CEP128: variants seen among roughly 807,000 people sequenced by gnomAD.
CEP128 encodes the protein centrosomal protein 128kDa.
Under a neutral mutation model 156.7 loss-of-function variants are expected in CEP128, and 132 were observed. The observed-to-expected ratio is 0.84, with a 90% CI of 0.73 to 0.97. The LOEUF is 0.97. Ranked by LOEUF, CEP128 falls within the 50% of genes least tolerant of loss-of-function variation. The probability of loss-of-function intolerance (pLI) is 0.00; values close to 1 mark genes in which losing one functional copy is unlikely to be tolerated. For synonymous variants in CEP128, 469 were observed against 448.9 expected (o/e 1.04, Z -0.57); for missense variants, 1,252 against 1,281.9 (o/e 0.98, Z 0.36).
chr14:80,830,865 A>G, intron 13 of CEP128: 1 of 325,088 alleles, frequency 3.1e-6, no homozygotes, highest in South Asian at 4.2e-5. Flanking sequence ...TTGCTATTAG[A>G]ACAAAAATAT....
At chr14:80,738,092 C>T (rs536802233) in intron 19 of CEP128, among the ~76,000 whole-genome samples, 37 of 152,184 alleles carry the variant, frequency 2.4e-4, no homozygotes, top group African/African-American at 8.9e-4. Context: ...TAAATTATTT[C>T]TTCAGTAAGA....
At chr14:80,771,820 C>T (rs1900525014) in intron 16 of CEP128, among the ~76,000 whole-genome samples, 2 of 152,150 alleles carry the variant, frequency 1.3e-5, no homozygotes, top group African/African-American at 2.4e-5. Context: ...TAACACTGGC[C>T]AGAAATGGTT....
intron 19 of CEP128, among the ~76,000 whole-genome samples, chr14:80,693,613 CTTT>C (rs929172809): frequency 4.6e-5 from 7 of 152,014 alleles, no homozygotes; most frequent in Admixed American, 1.3e-4. Flanking sequence ...GGCCATACTT[CTTT>C]ATTTTAAAAA....
chr14:80,894,221 A>T (rs1595558260), intron 8 of CEP128, among the ~76,000 whole-genome samples: 1 of 152,004 alleles, frequency 6.6e-6, no homozygotes, highest in African/African-American at 2.4e-5. Flanking sequence ...CAAGAAAAAA[A>T]GAAGACAGAA....
At chr14:80,671,661 T>C (rs927165059) in intron 19 of CEP128, among the ~76,000 whole-genome samples, 1 of 152,054 alleles carries the variant, frequency 6.6e-6, no homozygotes, top group Admixed American at 6.5e-5. Flanking sequence ...ACACAAAAAA[T>C]GTAGATATGT....
At chr14:80,900,441 T>C (rs1190954446) in intron 6 of CEP128, among the ~76,000 whole-genome samples, 2 of 152,218 alleles carry the variant, frequency 1.3e-5, no homozygotes, top group Non-Finnish European at 1.5e-5. Context: ...ATCTTGCCAC[T>C]GTAGTGCAAA....
chr14:80,946,915 C>T (rs939218435), intron 2 of CEP128, among the ~76,000 whole-genome samples: 1 of 152,162 alleles, frequency 6.6e-6, no homozygotes, highest in Non-Finnish European at 1.5e-5. Flanking sequence ...TTGCTGTTCT[C>T]ATAATAGTGA....
chr14:80,595,873 C>A (rs1315372938), intron 19 of CEP128, among the ~76,000 whole-genome samples: 2 of 151,874 alleles, frequency 1.3e-5, no homozygotes, highest in Non-Finnish European at 2.9e-5. Context: ...AGGGGAACTC[C>A]CCTTATAAAA....
intron 13 of CEP128, among the ~76,000 whole-genome samples, chr14:80,813,106 A>G (rs967750534): frequency 1.5e-4 from 23 of 152,004 alleles, no homozygotes; most frequent in Non-Finnish European, 3.2e-4. Flanking sequence ...TTCTTACACA[A>G]TCTGGATATT....
chr14:80,571,139 A>G (rs1000611421), intron 20 of CEP128, among the ~76,000 whole-genome samples: 25 of 152,192 alleles, frequency 1.6e-4, no homozygotes, highest in African/African-American at 2.7e-4. Flanking sequence ...AATTAGCTGT[A>G]ATATTGTGCA....
At chr14:80,751,827 C>G (rs1011419026) in intron 18 of CEP128, among the ~76,000 whole-genome samples, 2 of 151,994 alleles carry the variant, frequency 1.3e-5, no homozygotes, top group African/African-American at 4.8e-5. Flanking sequence ...ATGGTGGTTT[C>G]GTCATGTTGG....
At chr14:80,513,960 C>T (rs1236643436) in intron 23 of CEP128, among the ~76,000 whole-genome samples, 1 of 152,080 alleles carries the variant, frequency 6.6e-6, no homozygotes, top group Non-Finnish European at 1.5e-5. Context: ...AGCCTAGCAC[C>T]TTTTAACGAT....
At chr14:80,569,930 C>T (rs142632996) in intron 20 of CEP128, among the ~76,000 whole-genome samples, 1 of 151,970 alleles carries the variant, frequency 6.6e-6, no homozygotes, top group African/African-American at 2.4e-5. Context: ...AAAGTATTAC[C>T]GAGAGAGGCA....
At chr14:80,500,281 T>C (rs558141076) in intron 24 of CEP128, among the ~76,000 whole-genome samples, 153 of 152,350 alleles carry the variant, frequency 1.0e-3, no homozygotes, top group African/African-American at 3.6e-3. Flanking sequence ...GCAGAATGAA[T>C]GCCTTAGCAT....
chr14:80,526,347 G>T (rs990900665), intron 23 of CEP128, among the ~76,000 whole-genome samples: 11 of 152,132 alleles, frequency 7.2e-5, no homozygotes, highest in Non-Finnish European at 1.6e-4. Flanking sequence ...AGGCTCTAGA[G>T]AATGTATGCT....
upstream of CEP128, among the ~76,000 whole-genome samples, chr14:80,944,807 GT>G (rs1886290465): frequency 9.8e-6 from 1 of 102,528 alleles, no homozygotes; most frequent in African/African-American, 3.6e-5. Context: ...GGGCGACAGA[GT>G]CAAGAGTCTG....
At chr14:80,624,293 A>T (rs568890241) in intron 19 of CEP128, among the ~76,000 whole-genome samples, 1 of 152,096 alleles carries the variant, frequency 6.6e-6, no homozygotes, top group Non-Finnish European at 1.5e-5. Flanking sequence ...CCCATTGTGC[A>T]TATATAACAC....
intron 14 of CEP128, among the ~76,000 whole-genome samples, chr14:80,786,082 T>C (rs1473832500): frequency 1.3e-5 from 2 of 152,106 alleles, no homozygotes; most frequent in Non-Finnish European, 2.9e-5. Context: ...CTCACCAATA[T>C]GCAACTGGGA....
intron 4 of CEP128, among the ~76,000 whole-genome samples, chr14:80,913,513 C>T (rs1717684016): frequency 6.6e-6 from 1 of 152,008 alleles, no homozygotes; most frequent in South Asian, 2.1e-4. Flanking sequence ...TTGAGTGGGG[C>T]TCAAAGGGAG....
Sources: gnomAD v4.1 joint callset for allele counts (sites outside exome capture counted in the v4.1 genomes callset) on GRCh38, gnomAD v4.1.1 for gene constraint, MANE v1.5 for transcripts, NCBI Gene and HGNC (gene_info 2026-07-23, HGNC 2026-07-21) for gene names.